Variants in ABHD4 observed in about 807,000 individuals in gnomAD.
ABHD4 encodes the protein (Lyso)-N-acylphosphatidylethanolamine lipase.
Under a neutral mutation model 42.3 loss-of-function variants are expected in ABHD4, and 35 were observed. That is an observed-to-expected ratio of 0.83 (90% CI 0.63 to 1.10). The LOEUF is 1.10. Among genes scored for constraint, ABHD4 ranks in the 50% least tolerant of loss-of-function variants. ABHD4 has a pLI of 0.00. For synonymous variants in ABHD4, 169 were observed against 170.6 expected, an observed-to-expected ratio of 0.99 and a Z score of 0.07; for missense variants, 389 against 454.8, an observed-to-expected ratio of 0.86 and a Z score of 1.32.
rs760570490 is a variant in ABHD4, at chr14:22,609,930, G to C, written c.939+20G>C. Reference sequence around the variant, plus strand: ...GACATGGTATGTTGCACCACCCAAGGAGTGGAAATGATGACTGAGAGTCAA... The same window carrying C: ...GACATGGTATGTTGCACCACCCAAGCAGTGGAAATGATGACTGAGAGTCAA... On this transcript the variant is annotated intron_variant, in intron 6 of 6. Coordinates refer to ENST00000428304, the MANE Select transcript of ABHD4 (RefSeq NM_022060.3). The C allele has an allele frequency of 6.2e-7, 1 of 1,610,340 alleles. No homozygotes were observed. The highest frequency in any genetic ancestry group is 2.2e-5 in the East Asian group (1 of 44,834).
At chr14:22,603,817 CTTTCCA>C in intron 3 of ABHD4, 55 bp downstream of exon 3, 1 of 1,570,850 alleles carries the variant, frequency 6.4e-7, no homozygotes, top group Non-Finnish European at 8.7e-7. Context: ...TTACTGGGAA[CTTTCCA>C]GTATTCATTT....
chr14:22,600,427 T>A (rs2037268779), intron 1 of ABHD4, among the ~76,000 whole-genome samples: 1 of 152,244 alleles, frequency 6.6e-6, no homozygotes. Flanking sequence ...AGTTTGCTCA[T>A]CTGTAAAATA....
rs549279046 is a variant in ABHD4, at chr14:22,608,064, G to A, written c.752+1531G>A. Among the ~76,000 whole-genome samples, 15 of 152,232 alleles carry A rather than the reference G, an allele frequency of 9.9e-5. 1 individual carries two copies. In the East Asian group the frequency reaches 2.5e-3, roughly 25 times the overall value. On this transcript the variant is annotated intron_variant, in intron 5 of 6. Transcript: ENST00000428304. The stretch of plus-strand genomic sequence containing the variant: ...TCCTAATGATGTCCTAGTGAAGTAG[G>A]TATAATACTCTACATTTATAGATGA...
chr14:22,600,246 C>T, intron 1 of ABHD4: 1 of 451,476 alleles, frequency 2.2e-6, no homozygotes, highest in Non-Finnish European at 4.5e-6. Flanking sequence ...TAGATCACAC[C>T]TCCCTTGAGA....
chr14:22,604,135 C>G (rs1192751831), intron 4 of ABHD4, 56 bp downstream of exon 4: 9 of 1,580,690 alleles, frequency 5.7e-6, no homozygotes, highest in Non-Finnish European at 6.9e-6. Context: ...AGAAGGCCCA[C>G]AGTGTCTTTC....
rs2037409868 is a variant in ABHD4 at position 22,611,039 on chromosome 14, C to T, written c.*91C>T. 5.3e-6 allele frequency: 6 copies of T among 1,132,808 alleles called. No individual in the cohort carries two copies. The highest frequency in any genetic ancestry group is 1.5e-5 in the African/African-American group (1 of 65,530). The allele number at this position is 1,132,808 out of a possible 1,614,324, so 70.2% of individuals were successfully genotyped here. A position where few individuals can be genotyped will look rare whatever the true frequency, so the allele number is the denominator to read the frequency against. On this transcript the variant is annotated 3_prime_UTR_variant, in exon 7 of 7. Transcript: ENST00000428304. ...ACCCACTCTGTCCTTTCCTCACCAA[C>T]TAACATGTGCCAGCCAGGCAGAGTC... is the stretch of plus-strand genomic sequence containing the variant.
At chr14:22,600,830 G>GT (rs1594890073) in intron 1 of ABHD4, among the ~76,000 whole-genome samples, 4,201 of 37,058 alleles carry the variant, frequency 0.11, 71 homozygotes, top group African/African-American at 0.22. Flanking sequence ...TCCAGCAGGG[G>GT]GGTGTGTGTG....
chr14:22,609,659 C>T, intron 5 of ABHD4, 65 bp from the exon 6 acceptor site: 2 of 1,539,320 alleles, frequency 1.3e-6, no homozygotes, highest in South Asian at 2.4e-5. Flanking sequence ...CTGCCTCAGT[C>T]TCTGAAGAGA....
intron 1 of ABHD4, among the ~76,000 whole-genome samples, chr14:22,601,464 G>C (rs528350009): frequency 2.3e-4 from 35 of 152,248 alleles, no homozygotes; most frequent in South Asian, 2.1e-4. Flanking sequence ...ATTGAAACAA[G>C]GGGCATGTTG....
In ABHD4 at chr14:22,600,138, G is replaced by A. The variant is rs1378123442; in HGVS notation, c.24-1529G>A. 6 of 455,522 alleles carry A rather than the reference G, an allele frequency of 1.3e-5. No homozygotes were observed. In the Admixed American group the frequency reaches 1.4e-4, roughly 11 times the overall value. The allele number at this position is 455,522 out of a possible 1,614,324, so 28.2% of individuals were successfully genotyped here. ...TAGATATTATTACCTCCCTTTTAAA[G>A]ATGAGGAAGCTCTGACACAGAAAAG... On this transcript the variant is annotated intron_variant, in intron 1 of 6. Coordinates refer to ENST00000428304, the MANE Select transcript of ABHD4 (RefSeq NM_022060.3).
chr14:22,608,747 G>A (rs1342984102), intron 5 of ABHD4, among the ~76,000 whole-genome samples: 1 of 150,320 alleles, frequency 6.7e-6, no homozygotes, highest in Non-Finnish European at 1.5e-5. Context: ...CATTGCCCAG[G>A]CTGGAGTGCA....
In ABHD4 at chr14:22,603,940, C is replaced by T; in HGVS notation, c.501C>T (p.Ile167=). 6.2e-7 allele frequency: 1 copy of T among 1,614,206 alleles called. No homozygotes were observed. The highest frequency in any genetic ancestry group is 1.1e-5 in the South Asian group (1 of 91,082). The change falls in exon 4 of 7, where the codon ATC becomes ATT. Residue 167 remains isoleucine (I), a synonymous_variant. Transcript: ENST00000428304. ...TTTAACATAGAGTTAAACACCTCAT[C>T]CTGGTGGACCCATGGGGCTTTCCCC... is the stretch of plus-strand genomic sequence containing the variant. ...IKYPDRVKHL[I]LVDPWGFPLR...
Position 22,609,868 on chromosome 14 carries a change from A to G in ABHD4, c.897A>G (p.Lys299=). The G allele has an allele frequency of 6.2e-7, 1 of 1,613,982 alleles. No individual in the cohort carries two copies. The highest frequency in any genetic ancestry group is 8.5e-7 in the Non-Finnish European group (1 of 1,179,966). The change falls in exon 6 of 7, where the codon AAA becomes AAG. Residue 299 remains lysine, a synonymous_variant. Transcript: ENST00000428304. ...SDTWIDTSTG[K]KVKMQRPDSY... is the part of the protein sequence containing the mutation. ...CCTGGATAGATACCAGTACGGGAAA[A>G]AAGGTGAAGATGCAGCGGCCGGATT...
At chr14:22,607,626 T>A (rs1311684439) in intron 5 of ABHD4, among the ~76,000 whole-genome samples, 7 of 152,182 alleles carry the variant, frequency 4.6e-5, no homozygotes, top group Admixed American at 4.6e-4. Context: ...AGCAGTCAAA[T>A]CAGGTTCCCC....
chr14:22,605,480 G>A (rs2037338672), intron 4 of ABHD4, among the ~76,000 whole-genome samples: 1 of 152,224 alleles, frequency 6.6e-6, no homozygotes, highest in Non-Finnish European at 1.5e-5. Flanking sequence ...TAGGAGTTTA[G>A]GAGTTCTGAG....
At position 22,611,025 on chromosome 14, in the gene ABHD4, C is replaced by A; in HGVS notation, c.*77C>A. 1.6e-6 allele frequency: 2 copies of A among 1,282,890 alleles called. No homozygotes were observed. The highest frequency in any genetic ancestry group is 2.2e-6 in the Non-Finnish European group (2 of 892,466). 79.5% of individuals were successfully genotyped at this position (1,282,890 alleles called of 1,614,324 possible). Reference sequence around the variant, plus strand: ...CTGTCTGCTTACTCACCCACTCTGTCCTTTCCTCACCAACTAACATGTGCC... The same window carrying A: ...CTGTCTGCTTACTCACCCACTCTGTACTTTCCTCACCAACTAACATGTGCC... On this transcript the variant is annotated 3_prime_UTR_variant, in exon 7 of 7. Coordinates refer to ENST00000428304, the MANE Select transcript of ABHD4 (RefSeq NM_022060.3).
At chr14:22,605,702 C>A in intron 4 of ABHD4, 2 of 621,660 alleles carry the variant, frequency 3.2e-6, no homozygotes. Context: ...AGGGACTATG[C>A]AGGAGGGAGG....
At chr14:22,603,022 A>G (rs2037304278) in intron 2 of ABHD4, among the ~76,000 whole-genome samples, 1 of 152,222 alleles carries the variant, frequency 6.6e-6, no homozygotes, top group Non-Finnish European at 1.5e-5. Flanking sequence ...TAACAGGATC[A>G]TTGCTGAAGG....
chr14:22,603,168 C>A (rs928666257), intron 2 of ABHD4, among the ~76,000 whole-genome samples: 4 of 152,150 alleles, frequency 2.6e-5, no homozygotes, highest in African/African-American at 9.7e-5. Flanking sequence ...GGCCAGGGGC[C>A]AAGGTCAAAG....
Sources: allele counts gnomAD v4.1 joint callset (sites outside exome capture counted in the v4.1 genomes callset), GRCh38; gene constraint gnomAD v4.1.1; transcripts MANE v1.5; gene names NCBI Gene and HGNC (gene_info 2026-07-23, HGNC 2026-07-21).